PSMG2: variants seen among roughly 807,000 people sequenced by gnomAD.
PSMG2 encodes the protein CD40 ligand-activated specific transcript 3.
Under a neutral mutation model 31.5 loss-of-function variants are expected in PSMG2, and 21 were observed. The observed-to-expected ratio is 0.67, with a 90% confidence interval of 0.47 to 0.96. The LOEUF is 0.96. PSMG2 is among the 40% of genes least tolerant of loss of function. PSMG2 has a pLI of 0.00. For missense variants in PSMG2, 318 were observed against 321.2 expected (o/e 0.99, Z 0.08); for synonymous variants, 120 against 110.4 (o/e 1.09, Z -0.54).
At chr18:12,680,807 T>G in intron 1 of PSMG2, 1 of 1,610,662 alleles carries the variant, frequency 6.2e-7, no homozygotes, top group Non-Finnish European at 8.5e-7. Context: ...CACAGAAGGT[T>G]AGCGTGATCT....
upstream of PSMG2, among the ~76,000 whole-genome samples, chr18:12,701,466 G>C (rs898837658): frequency 2.6e-5 from 4 of 152,098 alleles, no homozygotes; most frequent in African/African-American, 9.7e-5. Context: ...AATCTTACCA[G>C]CTTTCAACTT....
chr18:12,698,153 TTATTTTATTTA>T (rs978784492), upstream of PSMG2, among the ~76,000 whole-genome samples: 7 of 147,028 alleles, frequency 4.8e-5, no homozygotes, highest in African/African-American at 1.5e-4. Context: ...ATTTGACTTT[TTATTTTATTTA>T]TATTTATTTG....
rs1434616896 is a variant in PSMG2 at position 12,703,045 on chromosome 18, T to C, written c.-63T>C. 8 of 1,572,686 alleles carry C rather than the reference T, an allele frequency of 5.1e-6. No individual in the cohort carries two copies. The highest frequency in any genetic ancestry group is 2.3e-5 in the East Asian group (1 of 42,914). ...GGCTCCGGGGTCTCGGGCTTCCGCC[T>C]TCTTGCTGCCCTCGTTCTTGCCAGG... is the stretch of plus-strand genomic sequence containing the variant. On this transcript the variant is annotated 5_prime_UTR_variant, in exon 1 of 7. Transcript: ENST00000317615.
At chr18:12,713,801 C>CCAT (rs2040353009) in intron 3 of PSMG2, among the ~76,000 whole-genome samples, 1 of 151,936 alleles carries the variant, frequency 6.6e-6, no homozygotes, top group Admixed American at 6.6e-5. Flanking sequence ...CCTCTGATGC[C>CCAT]CAGGCTTAAG....
At chr18:12,674,511 AAT>A in intron 1 of PSMG2, 1 of 1,584,394 alleles carries the variant, frequency 6.3e-7, no homozygotes. Flanking sequence ...AAACTGAAAA[AAT>A]GATTCCGTAA....
chr18:12,696,692 A>G (rs2039969479), intron 1 of PSMG2, among the ~76,000 whole-genome samples: 1 of 152,160 alleles, frequency 6.6e-6, no homozygotes, highest in African/African-American at 2.4e-5. Context: ...CAAGATTCCA[A>G]GGAGACTATG....
intron 1 of PSMG2, chr18:12,661,999 C>T (rs1181795803): frequency 2.9e-5 from 7 of 243,818 alleles, no homozygotes; most frequent in East Asian, 2.2e-4. Flanking sequence ...AAATTGAATC[C>T]TTGACTTTTT....
chr18:12,666,349 T>G (rs915786038), intron 1 of PSMG2, among the ~76,000 whole-genome samples: 4 of 151,856 alleles, frequency 2.6e-5, no homozygotes, highest in African/African-American at 9.7e-5. Context: ...AATTATTATC[T>G]TGCAAAGTTT....
chr18:12,696,980 T>C (rs2039978989), intron 1 of PSMG2, among the ~76,000 whole-genome samples: 1 of 152,164 alleles, frequency 6.6e-6, no homozygotes, highest in African/African-American at 2.4e-5. Context: ...AATTCCTGTA[T>C]TCATTTTCCA....
intron 1 of PSMG2, among the ~76,000 whole-genome samples, chr18:12,678,735 C>A (rs553291174): frequency 1.3e-5 from 2 of 152,134 alleles, no homozygotes; most frequent in Admixed American, 6.5e-5. Context: ...GCAGGGGGAT[C>A]ACCTGAGGTC....
At chr18:12,689,669 T>C (rs1344335554) in intron 1 of PSMG2, among the ~76,000 whole-genome samples, 1 of 152,192 alleles carries the variant, frequency 6.6e-6, no homozygotes, top group East Asian at 1.9e-4. Context: ...ATTTCTCTGA[T>C]TCACTGCCTC....
intron 3 of PSMG2, among the ~76,000 whole-genome samples, chr18:12,718,078 G>A (rs1041404952): frequency 6.1e-5 from 9 of 147,396 alleles, no homozygotes; most frequent in African/African-American, 1.3e-4. Flanking sequence ...GCACAATCTC[G>A]GTTCACTGCA....
chr18:12,668,734 C>CTTTTTTTTT (rs543253434), intron 1 of PSMG2, among the ~76,000 whole-genome samples: 2 of 96,736 alleles, frequency 2.1e-5, no homozygotes, highest in Non-Finnish European at 4.0e-5. Context: ...CACTTTATTC[C>CTTTTTTTTT]TTTTTTTTTT....
intron 2 of PSMG2, among the ~76,000 whole-genome samples, chr18:12,708,096 A>C (rs1273477055): frequency 6.6e-6 from 1 of 152,144 alleles, no homozygotes. Context: ...AGCCTGGGCA[A>C]CAAAATGAGA....
chr18:12,685,392 A>G (rs1382527587), intron 1 of PSMG2: 1 of 152,148 alleles, frequency 6.6e-6, no homozygotes, highest in African/African-American at 2.4e-5. Context: ...TGCTGTTCCT[A>G]ATTCATTCTG....
chr18:12,678,824 C>T (rs1433246868), intron 1 of PSMG2, among the ~76,000 whole-genome samples: 1 of 151,990 alleles, frequency 6.6e-6, no homozygotes, highest in African/African-American at 2.4e-5. Context: ...GGCATGGGAG[C>T]ACGTGCCTGT....
At position 12,689,110 on chromosome 18, in the gene PSMG2, A is replaced by G. The variant is rs2039653864; in HGVS notation, c.-36-17440A>G. On this transcript the variant is annotated intron_variant, in intron 1 of 6. Coordinates refer to the PSMG2 transcript ENST00000585331. Reference sequence around the variant, plus strand: ...CCCTGGGTGACTGAGACTCTGTCTCACAACAACAACAAAAAAAAGTTCTTT... The same window carrying G: ...CCCTGGGTGACTGAGACTCTGTCTCGCAACAACAACAAAAAAAAGTTCTTT... Among the ~76,000 whole-genome samples, 5 of 151,612 alleles carry G rather than the reference A, an allele frequency of 3.3e-5. No homozygotes were observed. The South Asian group carries it at 1.0e-3, about 31-fold the overall frequency.
chr18:12,690,646 G>A (rs944317090), intron 1 of PSMG2, among the ~76,000 whole-genome samples: 3 of 152,010 alleles, frequency 2.0e-5, no homozygotes, highest in African/African-American at 7.2e-5. Flanking sequence ...TAGTAGAAAC[G>A]GGGTTTCACC....
intron 1 of PSMG2, among the ~76,000 whole-genome samples, chr18:12,665,768 G>A (rs994635955): frequency 5.3e-5 from 8 of 152,026 alleles, no homozygotes; most frequent in African/African-American, 1.9e-4. Flanking sequence ...CACAATCTCT[G>A]CTTACTGCAA....
Sources: gnomAD v4.1 joint callset for allele counts (sites outside exome capture counted in the v4.1 genomes callset) on GRCh38, gnomAD v4.1.1 for gene constraint, MANE v1.5 for transcripts, NCBI Gene and HGNC (gene_info 2026-07-23, HGNC 2026-07-21) for gene names.